Variants in RAP1A observed in about 807,000 individuals in gnomAD.
RAP1A encodes ras-related protein Rap-1A.
In RAP1A, 6 loss-of-function variants were observed where a neutral mutation model predicts 26.4. The observed-to-expected ratio is 0.23, with a 90% CI of 0.12 to 0.45. The LOEUF is 0.45. Ranked by LOEUF, RAP1A falls within the 20% of genes least tolerant of loss-of-function variation. RAP1A has a pLI of 0.99. For synonymous variants in RAP1A, 73 were observed against 79.4 expected, an observed-to-expected ratio of 0.92 and a Z score of 0.43; for missense variants, 121 against 217.2, an observed-to-expected ratio of 0.56 and a Z score of 2.78.
chr1:111,647,678 C>T (rs1028434377), intron 1 of RAP1A, among the ~76,000 whole-genome samples: 6 of 151,362 alleles, frequency 4.0e-5, no homozygotes, highest in African/African-American at 1.5e-4. Context: ...CTTCTTGCTA[C>T]TGTAAGGTTT....
At chr1:111,707,236 G>A (rs1456806246) in intron 6 of RAP1A, among the ~76,000 whole-genome samples, 2 of 151,834 alleles carry the variant, frequency 1.3e-5, no homozygotes, top group African/African-American at 2.4e-5. Context: ...TTTTTTTAAC[G>A]GTTAATTTAG....
intron 4 of RAP1A, among the ~76,000 whole-genome samples, chr1:111,701,154 C>A (rs958776818): frequency 1.3e-5 from 2 of 152,166 alleles, no homozygotes; most frequent in African/African-American, 2.4e-5. Context: ...AAATGAGAAT[C>A]CTCTCTCTTT....
intron 1 of RAP1A, among the ~76,000 whole-genome samples, chr1:111,590,912 C>G (rs1174874046): frequency 6.6e-6 from 1 of 152,150 alleles, no homozygotes; most frequent in African/African-American, 2.4e-5. Context: ...AAATAAGTTA[C>G]AGTCAGTTCT....
chr1:111,557,628 C>A lies in RAP1A; in HGVS notation c.-28+15119C>A, dbSNP rs970002755. ...AAAATTGGAACTTTACTAATAGACC[C>A]AAATGAACTTCTAATGAATACATTC... On this transcript the variant is annotated intron_variant, in intron 1 of 7. Transcript: ENST00000356415. Among the ~76,000 whole-genome samples the A allele has an allele frequency of 2.0e-5, 3 of 151,382 alleles. No homozygotes were observed. The East Asian group carries it at 5.8e-4, about 29-fold the overall frequency.
In RAP1A at chr1:111,714,577, C is replaced by T. The variant is rs1183932187; in HGVS notation, c.*2176C>T. On this transcript the variant is annotated 3_prime_UTR_variant, in exon 8 of 8. Coordinates refer to ENST00000369709, the MANE Select transcript of RAP1A (RefSeq NM_002884.4). The stretch of plus-strand genomic sequence containing the variant: ...ATTCCTTTGTCACATCTTATACAGT[C>T]CACTTGGGTTAAAGGTGGAACTGTC... The T allele has an allele frequency of 2.0e-5, 3 of 152,184 alleles. No homozygotes were observed. The highest frequency in any genetic ancestry group is 7.2e-5 in the African/African-American group (3 of 41,432). 9.4% of individuals were successfully genotyped at this position (152,184 alleles called of 1,614,324 possible).
chr1:111,692,413 G>A (rs1302009061), intron 2 of RAP1A, among the ~76,000 whole-genome samples: 3 of 152,182 alleles, frequency 2.0e-5, no homozygotes, highest in South Asian at 4.1e-4. Flanking sequence ...TTACATTGCT[G>A]TTAGGCATGT....
At chr1:111,676,115 GGGAGGCTGA>G (rs1158820056) in intron 1 of RAP1A, among the ~76,000 whole-genome samples, 2 of 152,190 alleles carry the variant, frequency 1.3e-5, no homozygotes, top group African/African-American at 4.8e-5. Flanking sequence ...TCAGCACTTT[GGGAGGCTGA>G]GGACAGGCGG....
chr1:111,694,418 T>A (rs2101256006), intron 2 of RAP1A, among the ~76,000 whole-genome samples: 1 of 152,088 alleles, frequency 6.6e-6, no homozygotes, highest in African/African-American at 2.4e-5. Context: ...GTAGATGACC[T>A]CAGTCCACAT....
intron 1 of RAP1A, among the ~76,000 whole-genome samples, chr1:111,662,766 C>T (rs1444675184): frequency 6.6e-6 from 1 of 152,178 alleles, no homozygotes; most frequent in East Asian, 1.9e-4. Context: ...GTTTACTTAA[C>T]AGAAACCAGT....
intron 2 of RAP1A, 62 bp downstream of exon 2, chr1:111,691,479 T>G (rs1362907857): frequency 6.8e-7 from 1 of 1,462,696 alleles, no homozygotes; most frequent in Non-Finnish European, 9.6e-7. Flanking sequence ...GACATTTCCT[T>G]GCTTTCAGAC....
intron 1 of RAP1A, among the ~76,000 whole-genome samples, chr1:111,589,724 A>G (rs1037181162): frequency 1.3e-5 from 2 of 151,806 alleles, no homozygotes; most frequent in African/African-American, 4.8e-5. Flanking sequence ...TTATTAATTT[A>G]TTTTTGCAAC....
chr1:111,686,522 AAAG>A (rs1221810490), intron 1 of RAP1A: 8 of 151,772 alleles, frequency 5.3e-5, no homozygotes, highest in Admixed American at 1.3e-4. Context: ...AGAGAAAAAA[AAAG>A]AAAAAGAAAA....
At chr1:111,686,884 T>C (rs1661500997) in intron 1 of RAP1A, among the ~76,000 whole-genome samples, 1 of 151,868 alleles carries the variant, frequency 6.6e-6, no homozygotes, top group Admixed American at 6.6e-5. Flanking sequence ...CACTAACCTC[T>C]GAATGAAATT....
rs1380844774 is a variant in RAP1A, at chr1:111,643,754, T to C, written c.-28+23820T>C. On this transcript the variant is annotated intron_variant, in intron 1 of 7. Transcript: ENST00000369709. ...CAGCACTGGTGTGTAGTAGGTCTTCTCTCAGAGAACTGGGCAGATACCTAC... is the reference window on the plus strand; with the variant it reads ...CAGCACTGGTGTGTAGTAGGTCTTCCCTCAGAGAACTGGGCAGATACCTAC... 6.6e-5 allele frequency among the ~76,000 whole-genome samples: 10 copies of C among 151,286 alleles called. No individual in the cohort carries two copies. The South Asian group carries it at 1.2e-3, about 19-fold the overall frequency.
chr1:111,622,576 G>A (rs1460799376), intron 1 of RAP1A, among the ~76,000 whole-genome samples: 2 of 152,114 alleles, frequency 1.3e-5, no homozygotes, highest in African/African-American at 4.8e-5. Context: ...ATACTCTTAA[G>A]ACTAGGTTAT....
chr1:111,658,590 C>T (rs781700402), intron 1 of RAP1A, among the ~76,000 whole-genome samples: 4 of 152,068 alleles, frequency 2.6e-5, no homozygotes, highest in Non-Finnish European at 5.9e-5. Context: ...ACATATTCAC[C>T]TAGGCCTACA....
At chr1:111,597,906 C>G (rs1658590725) in intron 1 of RAP1A, among the ~76,000 whole-genome samples, 1 of 152,156 alleles carries the variant, frequency 6.6e-6, no homozygotes, top group South Asian at 2.1e-4. Context: ...GCTTAAGACT[C>G]CTCGTTGAGA....
At chr1:111,608,577 C>T (rs924864167) in intron 1 of RAP1A, 132 of 171,290 alleles carry the variant, frequency 7.7e-4, no homozygotes, top group Non-Finnish European at 7.8e-4. Context: ...TGTAGCCAGC[C>T]GAGATCACGC....
At chr1:111,622,394 A>G (rs545990731) in intron 1 of RAP1A, among the ~76,000 whole-genome samples, 3 of 152,174 alleles carry the variant, frequency 2.0e-5, no homozygotes, top group Admixed American at 6.5e-5. Flanking sequence ...CTGGCCTCCT[A>G]CATCCCAAAA....
Sources: allele counts gnomAD v4.1 joint callset (sites outside exome capture counted in the v4.1 genomes callset), GRCh38; gene constraint gnomAD v4.1.1; transcripts MANE v1.5; gene names NCBI Gene and HGNC (gene_info 2026-07-23, HGNC 2026-07-21).